The following TAFA4 variants were observed in gnomAD, a reference collection of about 807,000 sequenced individuals.
The protein encoded by TAFA4 is chemokine-like protein TAFA-4.
A neutral mutation model predicts 21.1 loss-of-function variants in TAFA4; 20 were observed. That is an observed-to-expected ratio of 0.95 (90% confidence interval 0.67 to 1.38). The LOEUF (loss-of-function observed/expected upper bound fraction) is 1.38, where lower values mean the gene tolerates loss of function less well. Among genes scored for constraint, TAFA4 ranks in the 40% most tolerant of loss-of-function variants. The pLI is 0.00. For synonymous variants in TAFA4, 71 were observed against 67.4 expected, an observed-to-expected ratio of 1.05 and a Z score of -0.26; for missense variants, 211 against 180.9, an observed-to-expected ratio of 1.17 and a Z score of -0.95.
chr3:68,805,910 C>A (rs1266687179), intron 3 of TAFA4, among the ~76,000 whole-genome samples: 1 of 151,850 alleles, frequency 6.6e-6, no homozygotes, highest in South Asian at 2.1e-4. Context: ...ACATACGTAA[C>A]AAACCTGCAC....
rs891597882 is a variant in TAFA4 at position 68,745,257 on chromosome 3, A to T, written c.287-6058T>A. ...TCACTAGCAGGGACAAAGGACTCAG[A>T]AGTAGGATTTTATTAAAGTTACTGG... On this transcript the variant is annotated intron_variant, in intron 4 of 5. Transcript: ENST00000295569. Among the ~76,000 whole-genome samples the T allele has an allele frequency of 2.0e-5, 3 of 152,188 alleles. No individual in the cohort carries two copies. The South Asian group carries it at 6.2e-4, about 31-fold the overall frequency.
At chr3:68,883,190 G>A (rs1056540461) in intron 2 of TAFA4, 3 of 152,250 alleles carry the variant, frequency 2.0e-5, no homozygotes, top group African/African-American at 7.2e-5. Flanking sequence ...GCTCAACTGG[G>A]GAAGGATCAC....
intron 3 of TAFA4, among the ~76,000 whole-genome samples, chr3:68,831,368 G>T (rs1704387870): frequency 1.3e-5 from 2 of 152,138 alleles, no homozygotes; most frequent in South Asian, 2.1e-4. Context: ...AGGAGCTCTT[G>T]TAAGGCAAGC....
chr3:68,815,560 A>G (rs931814235), intron 3 of TAFA4, among the ~76,000 whole-genome samples: 15 of 152,248 alleles, frequency 9.9e-5, no homozygotes, highest in African/African-American at 1.4e-4. Context: ...GACGCATGAA[A>G]AAATGTTCAT....
At chr3:68,739,848 G>C (rs1481241681) in intron 4 of TAFA4, among the ~76,000 whole-genome samples, 1 of 152,150 alleles carries the variant, frequency 6.6e-6, no homozygotes, top group Non-Finnish European at 1.5e-5. Context: ...TAGAGTCATG[G>C]AACAACAGAA....
In TAFA4 at chr3:68,900,240, T is replaced by TTAATAATAA. The variant is rs3048092; in HGVS notation, c.-122-14939_-122-14931dup. Among the ~76,000 whole-genome samples the TTAATAATAA allele has an allele frequency of 6.3e-3, 843 of 132,794 alleles. 4 individuals are homozygous for TTAATAATAA. Among genetic ancestry groups the TTAATAATAA allele is most frequent in the Non-Finnish European group, 9.3e-3 (586 of 62,966 alleles). 87.1% of individuals were successfully genotyped at this position (132,794 alleles called of 152,430 possible). ...TTGGGTGACAGAGCGAGACTCTCTC[T>TTAATAATAA]TAATAATAATAATAATAATAATAAT... On this transcript the variant is annotated intron_variant, in intron 1 of 5. Coordinates refer to ENST00000295569, the MANE Select transcript of TAFA4 (RefSeq NM_182522.5).
intron 3 of TAFA4, among the ~76,000 whole-genome samples, chr3:68,786,828 C>A (rs1465273489): frequency 6.6e-6 from 1 of 152,070 alleles, no homozygotes; most frequent in Non-Finnish European, 1.5e-5. Context: ...TCAGGATTTA[C>A]AATGGGTAGG....
chr3:68,903,544 C>A (rs1030058314), intron 1 of TAFA4, among the ~76,000 whole-genome samples: 5 of 152,306 alleles, frequency 3.3e-5, no homozygotes, highest in Admixed American at 2.6e-4. Context: ...TAAATGAATA[C>A]AGAAGCACAC....
At chr3:68,785,880 C>T (rs1321743608) in intron 3 of TAFA4, among the ~76,000 whole-genome samples, 1 of 152,250 alleles carries the variant, frequency 6.6e-6, no homozygotes, top group Non-Finnish European at 1.5e-5. Context: ...ATGTTAAATG[C>T]ACACCCTCTT....
chr3:68,797,303 A>G (rs1048303312), intron 3 of TAFA4, among the ~76,000 whole-genome samples: 1 of 152,154 alleles, frequency 6.6e-6, no homozygotes, highest in African/African-American at 2.4e-5. Flanking sequence ...ATACACTGGA[A>G]TGTCATTCAG....
intron 1 of TAFA4, among the ~76,000 whole-genome samples, chr3:68,927,138 CT>C (rs1418588397): frequency 6.6e-6 from 1 of 152,194 alleles, no homozygotes; most frequent in Non-Finnish European, 1.5e-5. Flanking sequence ...TTCCCCTCCA[CT>C]TCGTGGTCTG....
Position 68,885,254 on chromosome 3 carries a change from C to T in TAFA4, c.-66G>A. 6.6e-7 allele frequency: 1 copy of T among 1,525,026 alleles called. No individual in the cohort carries two copies. Among genetic ancestry groups the T allele is most frequent in the Non-Finnish European group, 9.0e-7 (1 of 1,108,132 alleles). The allele number at this position is 1,525,026 out of a possible 1,614,324, so 94.5% of individuals were successfully genotyped here. On this transcript the variant is annotated 5_prime_UTR_variant, in exon 2 of 6. Coordinates refer to ENST00000295569, the MANE Select transcript of TAFA4 (RefSeq NM_182522.5). ...TTTCAGAGTGACTCCAAATTCCCAT[C>T]TGTTGCTAGAACCAATCATTTCTGC...
chr3:68,879,140 T>C (rs928160290), intron 3 of TAFA4, among the ~76,000 whole-genome samples: 5 of 152,180 alleles, frequency 3.3e-5, no homozygotes, highest in African/African-American at 1.2e-4. Context: ...ATGAAGCCCA[T>C]GGGACAGTGC....
intron 3 of TAFA4, among the ~76,000 whole-genome samples, chr3:68,828,056 G>C (rs1340264015): frequency 6.6e-6 from 1 of 152,122 alleles, no homozygotes; most frequent in Non-Finnish European, 1.5e-5. Context: ...GTTAATTTTT[G>C]TGTAAGATGT....
At chr3:68,871,718 A>G (rs191498537) in intron 3 of TAFA4, among the ~76,000 whole-genome samples, 1 of 152,246 alleles carries the variant, frequency 6.6e-6, no homozygotes, top group Non-Finnish European at 1.5e-5. Context: ...AATAAAAACC[A>G]TCCAGTTTTA....
intron 5 of TAFA4, among the ~76,000 whole-genome samples, chr3:68,738,443 G>A (rs1171607019): frequency 2.0e-5 from 3 of 152,166 alleles, no homozygotes; most frequent in Admixed American, 6.5e-5. Flanking sequence ...CAGCAGTCTA[G>A]CAGTCTAGAT....
rs1575644182 is a variant in TAFA4 at position 68,857,620 on chromosome 3, A to C, written c.130+23110T>G. Among the ~76,000 whole-genome samples the C allele has an allele frequency of 1.2e-4, 19 of 152,264 alleles. No individual in the cohort carries two copies. The South Asian group carries it at 3.9e-3, about 32-fold the overall frequency. On this transcript the variant is annotated intron_variant, in intron 3 of 5. Transcript: ENST00000295569. ...CATTGTGAAATGTAAATACATATAC[A>C]TATATTAAAGTGTTATTAATTTTCC...
intron 3 of TAFA4, among the ~76,000 whole-genome samples, chr3:68,861,650 C>T (rs1351021011): frequency 2.0e-5 from 3 of 151,916 alleles, no homozygotes; most frequent in Non-Finnish European, 4.4e-5. Context: ...TTGAATTCAC[C>T]CCAGAGCAGA....
chr3:68,822,323 T>C (rs1334893653), intron 3 of TAFA4, among the ~76,000 whole-genome samples: 3 of 152,208 alleles, frequency 2.0e-5, no homozygotes, highest in East Asian at 1.9e-4. Context: ...TGAACTCTGA[T>C]TGAAGCTCAG....
Sources: allele counts gnomAD v4.1 joint callset (sites outside exome capture counted in the v4.1 genomes callset), GRCh38; gene constraint gnomAD v4.1.1; transcripts MANE v1.5; gene names NCBI Gene and HGNC (gene_info 2026-07-23, HGNC 2026-07-21).